The following MITF variants were observed in gnomAD, a reference collection of about 807,000 sequenced individuals.
The protein encoded by MITF is microphthalmia-associated transcription factor.
A neutral mutation model predicts 60.5 loss-of-function variants in MITF; 17 were observed. That is an observed-to-expected ratio of 0.28 (90% CI 0.19 to 0.42). MITF has a LOEUF of 0.42. Among genes scored for constraint, MITF ranks in the 10% least tolerant of loss-of-function variants. MITF has a pLI of 1.00. For synonymous variants in MITF, 260 were observed against 248.5 expected (o/e 1.05, Z -0.43); for missense variants, 622 against 683.5 (o/e 0.91, Z 1.00).
chr3:69,742,987 G>A (rs1313668784), intron 1 of MITF, among the ~76,000 whole-genome samples: 1 of 152,146 alleles, frequency 6.6e-6, no homozygotes, highest in Admixed American at 6.6e-5. Flanking sequence ...CTCCATGCTA[G>A]ACTGCAAACT....
At chr3:69,843,112 G>C (rs2063669716) in intron 1 of MITF, among the ~76,000 whole-genome samples, 1 of 152,014 alleles carries the variant, frequency 6.6e-6, no homozygotes, top group African/African-American at 2.4e-5. Context: ...ATAACCTTGA[G>C]TACTCAATGA....
chr3:69,871,989 G>A (rs2064248565), intron 1 of MITF, among the ~76,000 whole-genome samples: 1 of 152,306 alleles, frequency 6.6e-6, no homozygotes, highest in African/African-American at 2.4e-5. Context: ...ATGTGAATGG[G>A]ATTCCACAGT....
chr3:69,965,366 G>T lies in MITF; in HGVS notation c.*118G>T. On this transcript the variant is annotated 3_prime_UTR_variant, in exon 10 of 10. Coordinates refer to ENST00000352241, the MANE Select transcript of MITF (RefSeq NM_001354604.2). ...CCTTTAATATGAAATTTTTTTTCAT[G>T]CTTTATCAATAGCCCAGGATATATT... 9.3e-7 allele frequency: 1 copy of T among 1,080,270 alleles called. No homozygotes were observed. 66.9% of individuals were successfully genotyped at this position (1,080,270 alleles called of 1,614,324 possible). A position where few individuals can be genotyped will look rare whatever the true frequency, so the allele number is the denominator to read the frequency against.
At chr3:69,859,130 A>C (rs1228333688) in intron 1 of MITF, among the ~76,000 whole-genome samples, 2 of 152,162 alleles carry the variant, frequency 1.3e-5, no homozygotes, top group African/African-American at 4.8e-5. Context: ...GAATCACCAC[A>C]CTATCCTGTC....
chr3:69,892,796 C>T (rs1422318901), intron 2 of MITF, among the ~76,000 whole-genome samples: 3 of 152,176 alleles, frequency 2.0e-5, no homozygotes, highest in African/African-American at 7.2e-5. Context: ...TCTCTGACAT[C>T]AAAGGTCTTT....
intron 1 of MITF, among the ~76,000 whole-genome samples, chr3:69,791,563 C>T (rs919915987): frequency 6.6e-6 from 1 of 152,166 alleles, no homozygotes; most frequent in Admixed American, 6.5e-5. Context: ...AGGCTCAAGA[C>T]CTCTTCATGG....
chr3:69,862,026 C>A (rs1451328873), intron 1 of MITF, among the ~76,000 whole-genome samples: 1 of 151,252 alleles, frequency 6.6e-6, no homozygotes, highest in Non-Finnish European at 1.5e-5. Flanking sequence ...TCTTAACAGA[C>A]CATTTACATA....
intron 2 of MITF, among the ~76,000 whole-genome samples, chr3:69,889,651 A>T (rs993851073): frequency 1.3e-5 from 2 of 152,086 alleles, no homozygotes; most frequent in African/African-American, 4.8e-5. Context: ...TGTATATTTT[A>T]TACCTCCAGC....
At chr3:69,839,452 T>C (rs2063592805) in intron 1 of MITF, among the ~76,000 whole-genome samples, 1 of 152,104 alleles carries the variant, frequency 6.6e-6, no homozygotes, top group Non-Finnish European at 1.5e-5. Flanking sequence ...ACTTTTTTTT[T>C]TCTTCCGGTG....
intron 1 of MITF, among the ~76,000 whole-genome samples, chr3:69,840,658 G>T (rs1040456534): frequency 6.6e-6 from 1 of 152,014 alleles, no homozygotes; most frequent in Non-Finnish European, 1.5e-5. Context: ...GAATTATCCA[G>T]CCTCTTTGGA....
chr3:69,904,714 T>C (rs1032141200), intron 2 of MITF, among the ~76,000 whole-genome samples: 4 of 152,182 alleles, frequency 2.6e-5, no homozygotes, highest in African/African-American at 7.2e-5. Flanking sequence ...TTCTACATCT[T>C]GCAGGCCCCT....
chr3:69,943,394 T>G (rs1243054943), intron 5 of MITF, among the ~76,000 whole-genome samples: 1 of 152,112 alleles, frequency 6.6e-6, no homozygotes, highest in Non-Finnish European at 1.5e-5. Context: ...CCTTGCATGT[T>G]ATTTAGCTTC....
intron 1 of MITF, among the ~76,000 whole-genome samples, chr3:69,764,729 C>T (rs1024208291): frequency 6.6e-6 from 1 of 152,182 alleles, no homozygotes; most frequent in African/African-American, 2.4e-5. Context: ...TTCTCCGACT[C>T]AAGGCCGTTA....
At chr3:69,880,154 T>C (rs1302528099) in intron 2 of MITF, among the ~76,000 whole-genome samples, 2 of 152,198 alleles carry the variant, frequency 1.3e-5, no homozygotes, top group African/African-American at 2.4e-5. Flanking sequence ...TTTAGTTTTT[T>C]TATTTTAGTA....
intron 1 of MITF, among the ~76,000 whole-genome samples, chr3:69,780,352 T>C (rs932500109): frequency 6.6e-6 from 1 of 152,196 alleles, no homozygotes; most frequent in Non-Finnish European, 1.5e-5. Flanking sequence ...TTTTAAATGT[T>C]ACCTAATATA....
intron 1 of MITF, among the ~76,000 whole-genome samples, chr3:69,742,715 A>G (rs1559603498): frequency 6.6e-6 from 1 of 152,162 alleles, no homozygotes; most frequent in Non-Finnish European, 1.5e-5. Context: ...TGACTGTGGG[A>G]AAGTATTAGC....
At chr3:69,936,914 G>T in intron 2 of MITF, 23 of 507,352 alleles carry the variant, frequency 4.5e-5, no homozygotes, top group South Asian at 9.2e-5. Flanking sequence ...GTAATTCAAT[G>T]TAGTTTTGAA....
At chr3:69,849,074 C>T (rs2063781453) in intron 1 of MITF, among the ~76,000 whole-genome samples, 1 of 148,188 alleles carries the variant, frequency 6.7e-6, no homozygotes, top group Non-Finnish European at 1.5e-5. Flanking sequence ...ACGCCATTCT[C>T]CTGCCTCAGC....
At chr3:69,894,108 T>C (rs969306982) in intron 2 of MITF, among the ~76,000 whole-genome samples, 1 of 152,174 alleles carries the variant, frequency 6.6e-6, no homozygotes, top group African/African-American at 2.4e-5. Flanking sequence ...TACATAGGAG[T>C]GACCATATAT....
Sources: allele counts gnomAD v4.1 joint callset (sites outside exome capture counted in the v4.1 genomes callset), GRCh38; gene constraint gnomAD v4.1.1; transcripts MANE v1.5; gene names NCBI Gene and HGNC (gene_info 2026-07-23, HGNC 2026-07-21).